TEX11: variants seen among roughly 807,000 people sequenced by gnomAD.
TEX11 encodes the protein testis-expressed protein 11.
In TEX11, 7 loss-of-function variants were observed where a neutral mutation model predicts 84.4. The ratio of observed to expected loss-of-function variants is 0.08; its 90% CI spans 0.05 to 0.16. The LOEUF is 0.16. Among genes scored for constraint, TEX11 ranks in the 10% least tolerant of loss-of-function variants. The probability of loss-of-function intolerance (pLI) is 1.00; values close to 1 mark genes in which losing one functional copy is unlikely to be tolerated. For synonymous variants in TEX11, 264 were observed against 222.8 expected, an observed-to-expected ratio of 1.18 and a Z score of -1.64; for missense variants, 551 against 660.5, an observed-to-expected ratio of 0.83 and a Z score of 1.82.
chrX:70,894,612 G>A (rs1158946308), intron 2 of TEX11, among the ~76,000 whole-genome samples: 5 of 106,514 alleles, frequency 4.7e-5, no homozygotes, highest in Non-Finnish European at 7.7e-5. Context: ...GCGACAGAGC[G>A]AGACTCCGTC....
rs1302317132 is a variant in TEX11 at position 70,641,180 on chromosome X, C to T, written c.1483+10270G>A. On this transcript the variant is annotated intron_variant, in intron 17 of 29. Coordinates refer to ENST00000374333, the MANE Select transcript of TEX11 (RefSeq NM_031276.3). ...TCAAAAGAGACAAAGAAGGCCATTA[C>T]ATAATGGTAAAGGGATCAATTCAAC... Among the ~76,000 whole-genome samples, 3 of 111,636 alleles carry T rather than the reference C, an allele frequency of 2.7e-5. No homozygotes were observed. The Admixed American group carries it at 2.9e-4, about 11-fold the overall frequency.
At chrX:70,901,186 T>C (rs2091801481) in intron 2 of TEX11, among the ~76,000 whole-genome samples, 1 of 111,074 alleles carries the variant, frequency 9.0e-6, no homozygotes, top group African/African-American at 3.3e-5. Flanking sequence ...TGAGACCTTG[T>C]CTAAATAAAT....
At position 70,590,564 on chromosome X, in the gene TEX11, G is replaced by C. The variant is rs186098526; in HGVS notation, c.2140+1187C>G. ...GTCTGAAAAAGCATGTAATTCAATT[G>C]AATATCCATTGATTTTAACAAATTC... is the stretch of plus-strand genomic sequence containing the variant. On this transcript the variant is annotated intron_variant, in intron 25 of 29. Transcript: ENST00000374333. Among the ~76,000 whole-genome samples the C allele has an allele frequency of 3.6e-5, 4 of 111,183 alleles. No individual in the cohort carries two copies. The South Asian group carries it at 1.1e-3, about 31-fold the overall frequency.
At chrX:70,720,771 ATAAT>A (rs1308336789) in intron 13 of TEX11, among the ~76,000 whole-genome samples, 56 of 104,946 alleles carry the variant, frequency 5.3e-4, no homozygotes, top group East Asian at 1.4e-3. Context: ...ATACATATAT[ATAAT>A]ATATATATAT....
At chrX:70,708,618 T>A in intron 13 of TEX11, among the ~76,000 whole-genome samples, 1 of 111,761 alleles carries the variant, frequency 8.9e-6, no homozygotes, top group Non-Finnish European at 1.9e-5. Context: ...TATGCAGTCA[T>A]AAAAAGAATG....
intron 9 of TEX11, among the ~76,000 whole-genome samples, chrX:70,779,096 A>G (rs1274369520): frequency 9.0e-6 from 1 of 111,107 alleles, no homozygotes; most frequent in African/African-American, 3.3e-5. Context: ...ACCTTCAGAC[A>G]AATGAAAATA....
the TEX11 span, among the ~76,000 whole-genome samples, chrX:70,512,174 T>G: frequency 9.3e-6 from 1 of 107,935 alleles, no homozygotes; most frequent in African/African-American, 3.5e-5. Context: ...TCCTTCCTTA[T>G]GTCCAAATCC....
At chrX:70,516,491 G>T in the TEX11 span, among the ~76,000 whole-genome samples, 3 of 111,778 alleles carry the variant, frequency 2.7e-5, no homozygotes, top group Admixed American at 9.5e-5. Flanking sequence ...ACTCTGTTTT[G>T]GTACCAGTAC....
intron 13 of TEX11, among the ~76,000 whole-genome samples, chrX:70,700,881 T>C (rs1017689719): frequency 7.1e-5 from 8 of 111,907 alleles, no homozygotes; most frequent in Non-Finnish European, 1.1e-4. Flanking sequence ...GTTTTAGTGG[T>C]CTGGATAGAA....
At chrX:70,568,542 C>A (rs2088531591) in intron 25 of TEX11, among the ~76,000 whole-genome samples, 1 of 110,663 alleles carries the variant, frequency 9.0e-6, no homozygotes, top group Non-Finnish European at 1.9e-5. Flanking sequence ...CGTGGCTGGT[C>A]CCAGTTGTTC....
intron 8 of TEX11, among the ~76,000 whole-genome samples, chrX:70,825,330 C>CAT (rs1485092398): frequency 8.4e-5 from 9 of 107,237 alleles, no homozygotes; most frequent in African/African-American, 3.0e-4. Flanking sequence ...AATATATATA[C>CAT]ACATATATTT....
At chrX:70,679,425 C>T (rs1249536005) in intron 14 of TEX11, among the ~76,000 whole-genome samples, 1 of 102,894 alleles carries the variant, frequency 9.7e-6, no homozygotes, top group Non-Finnish European at 2.0e-5. Context: ...AGGAGCCCCT[C>T]TGCCTGGCTG....
At chrX:70,599,569 T>C (rs977290835) in intron 24 of TEX11, among the ~76,000 whole-genome samples, 5 of 110,261 alleles carry the variant, frequency 4.5e-5, no homozygotes, top group South Asian at 4.0e-4. Flanking sequence ...GTGCACATTG[T>C]GCAGGTTAGT....
At chrX:70,757,651 C>A (rs1464757491) in intron 9 of TEX11, among the ~76,000 whole-genome samples, 1 of 111,812 alleles carries the variant, frequency 8.9e-6, no homozygotes, top group Non-Finnish European at 1.9e-5. Context: ...CAACCGGTAC[C>A]AGCCACTGCA....
chrX:70,726,655 C>T (rs752867185), intron 11 of TEX11, among the ~76,000 whole-genome samples: 2 of 110,089 alleles, frequency 1.8e-5, no homozygotes, highest in South Asian at 4.0e-4. Context: ...CTCAGCCTCC[C>T]GAGTAGCTGG....
chrX:70,578,224 T>C (rs1044233178), intron 25 of TEX11, among the ~76,000 whole-genome samples: 1 of 112,199 alleles, frequency 8.9e-6, no homozygotes, highest in Non-Finnish European at 1.9e-5. Flanking sequence ...ATTGAGTTTA[T>C]GTTTTGTTTT....
At chrX:70,531,796 A>ATGAT (rs2147925925) in intron 28 of TEX11, among the ~76,000 whole-genome samples, 1 of 112,026 alleles carries the variant, frequency 8.9e-6, no homozygotes, top group African/African-American at 3.2e-5. Context: ...TGTGAGTTTT[A>ATGAT]TGATATATGA....
intron 17 of TEX11, among the ~76,000 whole-genome samples, chrX:70,632,007 C>T: frequency 1.1e-5 from 1 of 88,000 alleles, no homozygotes; most frequent in African/African-American, 4.2e-5. Context: ...AGATGAGTTT[C>T]AGTGTTAAAA....
At chrX:70,670,730 A>C (rs1483266986) in intron 15 of TEX11, among the ~76,000 whole-genome samples, 3 of 111,789 alleles carry the variant, frequency 2.7e-5, no homozygotes, top group Non-Finnish European at 5.7e-5. Flanking sequence ...TTTTTCCTAC[A>C]CATTAGAAAT....
Sources: allele counts gnomAD v4.1 joint callset (sites outside exome capture counted in the v4.1 genomes callset), GRCh38; gene constraint gnomAD v4.1.1; transcripts MANE v1.5; gene names NCBI Gene and HGNC (gene_info 2026-07-23, HGNC 2026-07-21).